Variants in CA10 observed in about 807,000 individuals in gnomAD.
The protein encoded by CA10 is carbonic anhydrase 10 (inactive).
CA10 carries 14 observed loss-of-function variants against 44.2 expected under a neutral mutation model. The ratio of observed to expected loss-of-function variants is 0.32; its 90% confidence interval spans 0.21 to 0.50. The LOEUF is 0.50. CA10 is among the 20% of genes least tolerant of loss of function. The probability of loss-of-function intolerance (pLI) is 0.99; values close to 1 mark genes in which losing one functional copy is unlikely to be tolerated. For missense variants in CA10, 350 were observed against 409.7 expected (o/e 0.85, Z 1.26); for synonymous variants, 159 against 141.6 (o/e 1.12, Z -0.87).
At chr17:51,855,493 A>T (rs1224715727) in intron 3 of CA10, among the ~76,000 whole-genome samples, 1 of 152,206 alleles carries the variant, frequency 6.6e-6, no homozygotes, top group Non-Finnish European at 1.5e-5. Flanking sequence ...AAAAAACTCA[A>T]AAAGCATTTG....
chr17:51,705,639 C>T (rs1424806685), intron 4 of CA10, among the ~76,000 whole-genome samples: 1 of 152,046 alleles, frequency 6.6e-6, no homozygotes, highest in African/African-American at 2.4e-5. Flanking sequence ...AAAAATGCCT[C>T]AAAAGAAATC....
intron 4 of CA10, among the ~76,000 whole-genome samples, chr17:51,662,252 C>T (rs138276502): frequency 8.5e-5 from 13 of 152,284 alleles, no homozygotes; most frequent in African/African-American, 2.4e-4. Flanking sequence ...TTCTAGTCAA[C>T]GTATAGGTCC....
rs1567854687 is a variant in CA10 at position 51,831,733 on chromosome 17, A to AGCAGCAGCAGCAGCAGCAGC, written c.280-83916_280-83915insGCTGCTGCTGCTGCTGCTGC. On this transcript the variant is annotated intron_variant, in intron 3 of 8. Transcript: ENST00000451037. ...GCAGCAGCAGCAGCAGCAGCAGCAGAAAAAGACCTTCCTTCCACCTTATTT... is the reference window on the plus strand; with the variant it reads ...GCAGCAGCAGCAGCAGCAGCAGCAGAGCAGCAGCAGCAGCAGCAGCAAAAGACCTTCCTTCCACCTTATTT... Among the ~76,000 whole-genome samples the AGCAGCAGCAGCAGCAGCAGC allele has an allele frequency of 6.8e-4, 83 of 121,576 alleles. 10 individuals carry two copies. Among genetic ancestry groups the AGCAGCAGCAGCAGCAGCAGC allele is most frequent in the East Asian group, 1.1e-3 (5 of 4,714 alleles). The allele number at this position is 121,576 out of a possible 152,430, so 79.8% of individuals were successfully genotyped here. A position where few individuals can be genotyped will look rare whatever the true frequency, so the allele number is the denominator to read the frequency against.
At chr17:51,902,617 GC>G (rs1981368310) in intron 3 of CA10, among the ~76,000 whole-genome samples, 1 of 152,096 alleles carries the variant, frequency 6.6e-6, no homozygotes, top group South Asian at 2.1e-4. Flanking sequence ...TTATCTGGGA[GC>G]CCTGATTCCT....
At chr17:51,886,058 A>C (rs1199703489) in intron 3 of CA10, among the ~76,000 whole-genome samples, 3 of 152,226 alleles carry the variant, frequency 2.0e-5, no homozygotes, top group Non-Finnish European at 4.4e-5. Context: ...GGAGAACACA[A>C]AATAGACTAC....
At chr17:51,987,223 A>G (rs1424789503) in intron 2 of CA10, among the ~76,000 whole-genome samples, 1 of 152,084 alleles carries the variant, frequency 6.6e-6, no homozygotes, top group East Asian at 1.9e-4. Context: ...AATGGTATTC[A>G]TAGCAACCTG....
chr17:51,753,947 G>A (rs1904983830), intron 3 of CA10, among the ~76,000 whole-genome samples: 1 of 152,110 alleles, frequency 6.6e-6, no homozygotes, highest in South Asian at 2.1e-4. Context: ...GGGTTCAAGT[G>A]ATTCTCCCTC....
intron 4 of CA10, among the ~76,000 whole-genome samples, chr17:51,736,513 T>G (rs11868883): frequency 6.6e-6 from 1 of 152,166 alleles, no homozygotes; most frequent in Non-Finnish European, 1.5e-5. Context: ...GGCCTTCCCC[T>G]TTTTCCTGGC....
chr17:51,750,442 C>T (rs1466875645), intron 3 of CA10, among the ~76,000 whole-genome samples: 1 of 152,098 alleles, frequency 6.6e-6, no homozygotes, highest in Non-Finnish European at 1.5e-5. Flanking sequence ...TTTGAAATAT[C>T]TACATCATAT....
chr17:51,899,722 G>A (rs1006001141), intron 3 of CA10, among the ~76,000 whole-genome samples: 3 of 152,010 alleles, frequency 2.0e-5, no homozygotes, highest in Non-Finnish European at 2.9e-5. Flanking sequence ...TTATGAATCT[G>A]GGTGCTTCTA....
At position 52,158,094 on chromosome 17, in the gene CA10, C is replaced by A. The variant is rs1381361645; in HGVS notation, c.-308G>T. ...CTCTTCGCACCAGCGGCGGAAACCG[C>A]ACTAGCAGCGGCGGCGGCGGCGGCG... On this transcript the variant is annotated 5_prime_UTR_variant, in exon 1 of 9. Transcript: ENST00000451037. 3.5e-5 allele frequency: 18 copies of A among 507,918 alleles called. No individual in the cohort carries two copies. The highest frequency in any genetic ancestry group is 6.4e-5 in the Non-Finnish European group (18 of 282,028). 31.5% of individuals were successfully genotyped at this position (507,918 alleles called of 1,614,324 possible). A position where few individuals can be genotyped will look rare whatever the true frequency, so the allele number is the denominator to read the frequency against.
At chr17:52,045,790 ACAGCACTATATG>A (rs1986896624) in intron 2 of CA10, among the ~76,000 whole-genome samples, 1 of 152,000 alleles carries the variant, frequency 6.6e-6, no homozygotes, top group African/African-American at 2.4e-5. Flanking sequence ...CCACCAAATA[ACAGCACTATATG>A]CATTCATTTC....
intron 1 of CA10, among the ~76,000 whole-genome samples, chr17:52,073,018 C>A (rs79773639): frequency 1.3e-5 from 2 of 152,144 alleles, no homozygotes; most frequent in African/African-American, 4.8e-5. Flanking sequence ...CCCTTGAATT[C>A]ATGACAGTTG....
At chr17:51,920,410 G>C (rs1395317888) in intron 3 of CA10, among the ~76,000 whole-genome samples, 1 of 151,894 alleles carries the variant, frequency 6.6e-6, no homozygotes, top group Non-Finnish European at 1.5e-5. Context: ...GAAAAGAAAA[G>C]GCTAAGAGAG....
At chr17:52,077,536 A>G (rs570300959) in intron 1 of CA10, among the ~76,000 whole-genome samples, 23 of 151,320 alleles carry the variant, frequency 1.5e-4, no homozygotes, top group Admixed American at 1.1e-3. Context: ...AAAGAGCTGG[A>G]TTTGATCTGT....
rs184942122 is a variant in CA10, at chr17:51,946,473, C to T, written c.137-15341G>A. On this transcript the variant is annotated intron_variant, in intron 2 of 8. Coordinates refer to ENST00000451037, the MANE Select transcript of CA10 (RefSeq NM_020178.5). ...ACCTCCTTTAGTCTGGCTTTGACTGCCCTTTGCTGTCTGGCAGCAATCCAT... is the reference window on the plus strand; with the variant it reads ...ACCTCCTTTAGTCTGGCTTTGACTGTCCTTTGCTGTCTGGCAGCAATCCAT... Among the ~76,000 whole-genome samples the T allele has an allele frequency of 3.3e-4, 50 of 152,236 alleles. No individual in the cohort carries two copies. The Middle Eastern group carries it at 0.014, about 41-fold the overall frequency.
At chr17:51,873,496 TC>T in intron 3 of CA10, among the ~76,000 whole-genome samples, 1 of 152,296 alleles carries the variant, frequency 6.6e-6, no homozygotes, top group South Asian at 2.1e-4. Context: ...TCTCCCACAC[TC>T]CCTTGGAGCT....
At chr17:51,790,755 A>C (rs1699357727) in intron 3 of CA10, among the ~76,000 whole-genome samples, 1 of 152,220 alleles carries the variant, frequency 6.6e-6, no homozygotes, top group Non-Finnish European at 1.5e-5. Flanking sequence ...ATCAATTTTA[A>C]AGGTTCTACC....
chr17:51,940,053 T>C, intron 2 of CA10, among the ~76,000 whole-genome samples: 1 of 152,128 alleles, frequency 6.6e-6, no homozygotes, highest in East Asian at 1.9e-4. Flanking sequence ...TATTTAAAAA[T>C]ATACCAGTGA....
Sources: gnomAD v4.1 joint callset for allele counts (sites outside exome capture counted in the v4.1 genomes callset) on GRCh38, gnomAD v4.1.1 for gene constraint, MANE v1.5 for transcripts, NCBI Gene and HGNC (gene_info 2026-07-23, HGNC 2026-07-21) for gene names.